ZFP36L1: variants seen among roughly 807,000 people sequenced by gnomAD.
ZFP36L1 encodes the protein ZFP36 like 1 zinc finger CCCH-type.
ZFP36L1 carries 4 observed loss-of-function variants against 16.7 expected under a neutral mutation model. That is an observed-to-expected ratio of 0.24 (90% CI 0.12 to 0.55). ZFP36L1 has a LOEUF of 0.55. ZFP36L1 is among the 20% of genes least tolerant of loss of function. The pLI, the probability that ZFP36L1 is intolerant of heterozygous loss-of-function variation, is 0.94. For missense variants in ZFP36L1, 311 were observed against 449.2 expected, an observed-to-expected ratio of 0.69 and a Z score of 2.78; for synonymous variants, 220 against 190.8, an observed-to-expected ratio of 1.15 and a Z score of -1.26.
chr14:68,793,796 G>A, upstream of ZFP36L1: 1 of 985,018 alleles, frequency 1.0e-6, no homozygotes. Flanking sequence ...GGGGCGCGCT[G>A]CTGGGGGGAC....
chr14:68,792,823 T>C, intron 1 of ZFP36L1, 59 bp downstream of exon 1: 1 of 1,611,508 alleles, frequency 6.2e-7, no homozygotes, highest in Admixed American at 1.7e-5. Flanking sequence ...TTTTGGGGGT[T>C]CTTTCTTAAG....
chr14:68,789,639 C>G lies in ZFP36L1; in HGVS notation c.911G>C (p.Gly304Ala). ...GCTGCTGCTGGAGCTGCTCAGGTAG[C>G]CCTCCTGGTCCGAGAGAGAATCCTG... ...SPQDSLSDQE[G>A]YLSSSSSSHS... is the part of the protein sequence containing the mutation. Residue 304 changes from glycine (G) to alanine (A), a missense_variant, in exon 2 of 2, where the codon GGC (glycine) becomes GCC (alanine). Physicochemically the swap from Gly to Ala is moderately conservative, Grantham distance 60. Coordinates refer to ENST00000439696, the MANE Select transcript of ZFP36L1 (RefSeq NM_004926.4). This position sits in a 1 kb window ranked among gnomAD's most constrained non-coding sequence, Gnocchi z 4.5. 6.2e-7 allele frequency: 1 copy of G among 1,613,404 alleles called. No individual in the cohort carries two copies.
chr14:68,790,567 C>G, intron 1 of ZFP36L1, 75 bp from the exon 2 acceptor site: 1 of 1,563,978 alleles, frequency 6.4e-7, no homozygotes. Context: ...GCCCCCTACA[C>G]AATCACAAAC....
At chr14:68,795,675 G>A, upstream of ZFP36L1, 2 of 424,066 alleles carry the variant, frequency 4.7e-6, no homozygotes, top group Non-Finnish European at 9.7e-6. Context: ...GCAAGGCTGC[G>A]ACTGGCCTAG....
upstream of ZFP36L1, among the ~76,000 whole-genome samples, chr14:68,795,490 C>G (rs931162518): frequency 1.3e-5 from 2 of 152,228 alleles, no homozygotes; most frequent in Non-Finnish European, 2.9e-5. Context: ...TATGCCCCTG[C>G]TTCGGGCGGC....
At chr14:68,795,992 G>C, upstream of ZFP36L1, 1 of 1,320,070 alleles carries the variant, frequency 7.6e-7, no homozygotes. Context: ...CGAGGCGTGC[G>C]TGGCCGTCCC....
rs764475741 is a variant in ZFP36L1 at position 68,790,516 on chromosome 14, G to GT, written c.58-25dup. 1.8e-4 allele frequency: 295 copies of GT among 1,612,412 alleles called. 1 individual carries two copies. The highest frequency in any genetic ancestry group is 2.5e-4 in the Non-Finnish European group (292 of 1,179,512). On this transcript the variant is annotated intron_variant, in intron 1 of 1. Transcript: ENST00000439696. Reference sequence around the variant, plus strand: ...CCCTGGAGAGAGAAGAGAAAGGATGGTAAGGACAGAGGACATCCACCAGGA... The same window carrying GT: ...CCCTGGAGAGAGAAGAGAAAGGATGGTTAAGGACAGAGGACATCCACCAGGA...
rs1198957998 is a variant in ZFP36L1, at chr14:68,789,310, T to A, written c.*223A>T. On this transcript the variant is annotated 3_prime_UTR_variant, in exon 2 of 2. Coordinates refer to ENST00000439696, the MANE Select transcript of ZFP36L1 (RefSeq NM_004926.4). This position sits in a 1 kb window ranked among gnomAD's most constrained non-coding sequence, Gnocchi z 4.5. Reference sequence around the variant, plus strand: ...TGGGCTATAAAATCCAGGGAGGGGGTTTCAAGCCAGAAGAAGCTACTGACA... The same window carrying A: ...TGGGCTATAAAATCCAGGGAGGGGGATTCAAGCCAGAAGAAGCTACTGACA... The A allele has an allele frequency of 3.6e-6, 2 of 551,798 alleles. No homozygotes were observed. Among genetic ancestry groups the A allele is most frequent in the African/African-American group, 2.0e-5 (1 of 50,942 alleles). 34.2% of individuals were successfully genotyped at this position (551,798 alleles called of 1,614,324 possible). A position where few individuals can be genotyped will look rare whatever the true frequency, so the allele number is the denominator to read the frequency against.
chr14:68,791,286 GTTTAATC>G, intron 1 of ZFP36L1: 2 of 529,572 alleles, frequency 3.8e-6, no homozygotes, highest in South Asian at 5.3e-5. Context: ...GAGCTCCAGT[GTTTAATC>G]TTTAACGCAA....
At chr14:68,795,510 C>T (rs565126048), upstream of ZFP36L1, among the ~76,000 whole-genome samples, 2 of 152,354 alleles carry the variant, frequency 1.3e-5, no homozygotes, top group Admixed American at 1.3e-4. Flanking sequence ...CGCCGCTTTC[C>T]CTCCAAGGCT....
chr14:68,793,611 G>C (rs1210769296), upstream of ZFP36L1: 2 of 985,814 alleles, frequency 2.0e-6, no homozygotes, highest in Admixed American at 6.1e-5. Flanking sequence ...TTGAGCTGGC[G>C]GTCTCCTTGA....
upstream of ZFP36L1, chr14:68,793,302 G>A: frequency 2.9e-6 from 3 of 1,037,760 alleles, no homozygotes; most frequent in Non-Finnish European, 3.5e-6. Flanking sequence ...AAACCCCACT[G>A]TGAGCCGCGC....
chr14:68,793,505 T>C, upstream of ZFP36L1: 1 of 986,300 alleles, frequency 1.0e-6, no homozygotes. Flanking sequence ...GTTGTCATGT[T>C]GTTGTTTTTT....
At position 68,789,938 on chromosome 14, in the gene ZFP36L1, A is replaced by G. The variant is rs569750320; in HGVS notation, c.612T>C (p.Phe204=). The G allele has an allele frequency of 1.7e-4, 274 of 1,609,152 alleles. 6 individuals carry two copies. In the South Asian group the frequency reaches 3.0e-3, roughly 17 times the overall value. ...DRPRLQHSFS[F]AGFPSAAATA... ...TGGCAGCGGCACTGGGAAACCCAGC[A>G]AAGCTAAAGCTATGCTGGAGGCGGG... The change falls in exon 2 of 2, where the codon TTT becomes TTC. Residue 204 remains phenylalanine (F), a synonymous_variant. Coordinates refer to ENST00000439696, the MANE Select transcript of ZFP36L1 (RefSeq NM_004926.4). This position sits in a 1 kb window ranked among gnomAD's most constrained non-coding sequence, Gnocchi z 4.5.
At chr14:68,791,943 C>G (rs1175418022) in intron 1 of ZFP36L1, among the ~76,000 whole-genome samples, 1 of 152,268 alleles carries the variant, frequency 6.6e-6, no homozygotes, top group East Asian at 1.9e-4. Flanking sequence ...AGGCAAAACA[C>G]TTCAGCAATT....
chr14:68,794,354 G>C (rs925138310), upstream of ZFP36L1: 1 of 152,214 alleles, frequency 6.6e-6, no homozygotes, highest in African/African-American at 2.4e-5. Flanking sequence ...CCACGAAACC[G>C]AAGGGCCCGC....
At chr14:68,791,064 T>A in intron 1 of ZFP36L1, 1 of 702,256 alleles carries the variant, frequency 1.4e-6, no homozygotes, top group Non-Finnish European at 2.6e-6. Flanking sequence ...TTGCTTTTTC[T>A]TGTGGGGAGG....
Sources: gnomAD v4.1 joint callset for allele counts (sites outside exome capture counted in the v4.1 genomes callset) on GRCh38, gnomAD v4.1.1 for gene constraint, Gnocchi (gnomAD v3.1) non-coding constraint, MANE v1.5 for transcripts, NCBI Gene and HGNC (gene_info 2026-07-23, HGNC 2026-07-21) for gene names.